Variants in LDB2 observed in about 807,000 individuals in gnomAD.
The protein encoded by LDB2 is LIM domain binding 2.
LDB2 carries 12 observed loss-of-function variants against 44.3 expected under a neutral mutation model. The observed-to-expected ratio is 0.27, with a 90% CI of 0.17 to 0.44. The LOEUF is 0.44. LDB2 is among the 20% of genes least tolerant of loss of function. The pLI is 1.00. For synonymous variants in LDB2, 164 were observed against 174.8 expected, an observed-to-expected ratio of 0.94 and a Z score of 0.49; for missense variants, 344 against 473.5, an observed-to-expected ratio of 0.73 and a Z score of 2.54.
intron 1 of LDB2, among the ~76,000 whole-genome samples, chr4:16,874,200 C>T (rs1717661445): frequency 6.6e-6 from 1 of 152,022 alleles, no homozygotes; most frequent in Non-Finnish European, 1.5e-5. Context: ...ATCATCATGG[C>T]AATGCATAGG....
At chr4:16,740,939 T>C (rs1438554227) in intron 2 of LDB2, among the ~76,000 whole-genome samples, 2 of 152,246 alleles carry the variant, frequency 1.3e-5, no homozygotes, top group East Asian at 1.9e-4. Context: ...CAGAAGTGTA[T>C]GGCTAGGAAA....
chr4:16,525,709 TAATA>T (rs1222816166), intron 5 of LDB2, among the ~76,000 whole-genome samples: 8 of 150,286 alleles, frequency 5.3e-5, no homozygotes, highest in Admixed American at 1.3e-4. Flanking sequence ...AGGAGTCAGA[TAATA>T]AATAAATTAA....
chr4:16,528,111 G>A (rs1728869221), intron 5 of LDB2, among the ~76,000 whole-genome samples: 1 of 152,126 alleles, frequency 6.6e-6, no homozygotes, highest in South Asian at 2.1e-4. Context: ...CTTGGGAATG[G>A]AAAACCAAAT....
At chr4:16,592,630 CTG>C (rs1246531194) in intron 3 of LDB2, among the ~76,000 whole-genome samples, 3 of 151,578 alleles carry the variant, frequency 2.0e-5, no homozygotes, top group African/African-American at 7.3e-5. Context: ...GAAGGATGAA[CTG>C]TCAAAGACAT....
intron 2 of LDB2, among the ~76,000 whole-genome samples, chr4:16,723,710 C>A (rs975586628): frequency 6.6e-6 from 1 of 152,044 alleles, no homozygotes; most frequent in Non-Finnish European, 1.5e-5. Flanking sequence ...CCAAGCAGAC[C>A]CCACTTTCAG....
At chr4:16,782,386 T>C (rs1773467568) in intron 1 of LDB2, among the ~76,000 whole-genome samples, 1 of 151,802 alleles carries the variant, frequency 6.6e-6, no homozygotes, top group Non-Finnish European at 1.5e-5. Context: ...AGTCTTGCTC[T>C]GTCTCCCAGG....
chr4:16,835,344 G>T (rs1378120329), intron 1 of LDB2, among the ~76,000 whole-genome samples: 2 of 152,140 alleles, frequency 1.3e-5, no homozygotes, highest in African/African-American at 4.8e-5. Context: ...CCATTAGATG[G>T]ACTTGCCTGT....
chr4:16,677,751 G>A (rs1187549417), intron 2 of LDB2, among the ~76,000 whole-genome samples: 1 of 152,204 alleles, frequency 6.6e-6, no homozygotes, highest in Admixed American at 6.5e-5. Flanking sequence ...AGCCAGATGG[G>A]CTGCCAGGAA....
intron 2 of LDB2, among the ~76,000 whole-genome samples, chr4:16,727,329 A>T (rs1759722138): frequency 6.6e-6 from 1 of 152,204 alleles, no homozygotes; most frequent in African/African-American, 2.4e-5. Flanking sequence ...CCAAACGAAA[A>T]GGCTGGTGTC....
At chr4:16,834,826 C>CA (rs59410885) in intron 1 of LDB2, among the ~76,000 whole-genome samples, 12,060 of 124,332 alleles carry the variant, frequency 0.097, 814 homozygotes, top group East Asian at 0.37. Context: ...GATTCCATCT[C>CA]AAAAAAAAAA....
intron 1 of LDB2, among the ~76,000 whole-genome samples, chr4:16,868,824 T>C (rs1715551346): frequency 6.6e-6 from 1 of 152,166 alleles, no homozygotes; most frequent in South Asian, 2.1e-4. Flanking sequence ...ATGGTGGTCA[T>C]GGTGTTGGTA....
intron 7 of LDB2, among the ~76,000 whole-genome samples, chr4:16,507,592 C>T (rs1364537329): frequency 6.6e-6 from 1 of 152,048 alleles, no homozygotes; most frequent in East Asian, 1.9e-4. Context: ...AGGGATGTAA[C>T]AAGAAATAGG....
At chr4:16,553,773 G>A (rs1292664956) in intron 5 of LDB2, among the ~76,000 whole-genome samples, 2 of 152,138 alleles carry the variant, frequency 1.3e-5, no homozygotes, top group Admixed American at 6.5e-5. Flanking sequence ...TAAGCCCTTT[G>A]TGTGAAGTAG....
intron 1 of LDB2, among the ~76,000 whole-genome samples, chr4:16,886,849 G>A (rs1328852987): frequency 4.0e-5 from 6 of 151,688 alleles, no homozygotes; most frequent in African/African-American, 9.7e-5. Context: ...TGGCTAACAC[G>A]GTGAAATCCC....
intron 1 of LDB2, among the ~76,000 whole-genome samples, chr4:16,863,574 G>A (rs903380331): frequency 6.6e-6 from 1 of 151,030 alleles, no homozygotes. Flanking sequence ...CCAGGTGACT[G>A]AGTTTTATAC....
At chr4:16,696,519 G>A (rs1353839539) in intron 2 of LDB2, among the ~76,000 whole-genome samples, 1 of 152,106 alleles carries the variant, frequency 6.6e-6, no homozygotes, top group Admixed American at 6.5e-5. Flanking sequence ...GCCTAATTTG[G>A]GTCTTTTAGG....
intron 1 of LDB2, among the ~76,000 whole-genome samples, chr4:16,803,672 GT>G (rs201698043): frequency 0.024 from 3,653 of 152,196 alleles, 150 homozygotes; most frequent in African/African-American, 0.081. Context: ...AATTGGGCTA[GT>G]GGAAAAAAAT....
At chr4:16,527,865 A>G (rs10805349) in intron 5 of LDB2, among the ~76,000 whole-genome samples, 63,566 of 151,928 alleles carry the variant, frequency 0.42, 14,358 homozygotes, top group East Asian at 0.64. Context: ...TCTTTATTTC[A>G]GTAATCATTT....
intron 2 of LDB2, among the ~76,000 whole-genome samples, chr4:16,713,430 C>G (rs1257358815): frequency 6.6e-6 from 1 of 151,782 alleles, no homozygotes; most frequent in South Asian, 2.1e-4. Context: ...CAATAGGAAG[C>G]AGCATCAGCA....
Sources: allele counts gnomAD v4.1 joint callset (sites outside exome capture counted in the v4.1 genomes callset), GRCh38; gene constraint gnomAD v4.1.1; transcripts MANE v1.5; gene names NCBI Gene and HGNC (gene_info 2026-07-23, HGNC 2026-07-21).